Variants in OR5H14 observed in about 807,000 individuals in gnomAD.
The protein encoded by OR5H14 is olfactory receptor family 5 subfamily H member 14.
For missense variants in OR5H14, 392 were observed against 363.9 expected (o/e 1.08, Z -0.63); for synonymous variants, 155 against 130.6 (o/e 1.19, Z -1.28).
In OR5H14 at chr3:98,151,161, A is replaced by G. The variant is rs1456416008; in HGVS notation, c.*843A>G. ...TAATCTTCCCAGAAAAAAAGATGAA[A>G]CTACTAAGATTTTAAAAACCAGTGA... is the stretch of plus-strand genomic sequence containing the variant. On this transcript the variant is annotated 3_prime_UTR_variant, in exon 2 of 2. Transcript: ENST00000641380. 1 of 152,086 alleles carries G rather than the reference A, an allele frequency of 6.6e-6. No homozygotes were observed. Among genetic ancestry groups the G allele is most frequent in the Non-Finnish European group, 1.5e-5 (1 of 67,998 alleles). 9.4% of individuals were successfully genotyped at this position (152,086 alleles called of 1,614,324 possible). A position where few individuals can be genotyped will look rare whatever the true frequency, so the allele number is the denominator to read the frequency against.
At position 98,150,116 on chromosome 3, in the gene OR5H14, A is replaced by G; in HGVS notation, c.731A>G (p.His244Arg). The G allele has an allele frequency of 1.2e-6, 2 of 1,610,174 alleles. No individual in the cohort carries two copies. The highest frequency in any genetic ancestry group is 1.7e-6 in the Non-Finnish European group (2 of 1,178,962). ...MRKAFSTCGA[H>R]LLSVSLYYGP... Reference sequence around the variant, plus strand: ...AAAGCCTTCTCCACCTGTGGAGCTCATCTCTTATCTGTATCTTTATACTAT... The same window carrying G: ...AAAGCCTTCTCCACCTGTGGAGCTCGTCTCTTATCTGTATCTTTATACTAT... Residue 244 changes from histidine (H) to arginine (R), a missense_variant, in exon 2 of 2, where the codon CAT becomes CGT. His to Arg is a conservative substitution (Grantham distance 29). Transcript: ENST00000641380.
intron 1 of OR5H14, among the ~76,000 whole-genome samples, chr3:98,148,400 T>G (rs956751330): frequency 6.6e-6 from 1 of 152,068 alleles, no homozygotes; most frequent in Non-Finnish European, 1.5e-5. Context: ...TGCCTTTGAC[T>G]ATCACAATAA....
chr3:98,155,727 A>G lies in OR5H14; in HGVS notation c.*5409A>G, dbSNP rs1708581578. ...GGGAATCTAGATCTTTGGCCTTATTAAAATCATATTTTGACCAGCTCTGAT... is the reference window on the plus strand; with the variant it reads ...GGGAATCTAGATCTTTGGCCTTATTGAAATCATATTTTGACCAGCTCTGAT... On this transcript the variant is annotated 3_prime_UTR_variant, in exon 2 of 2. Transcript: ENST00000641380. 1.3e-5 allele frequency: 2 copies of G among 152,192 alleles called. No homozygotes were observed. The highest frequency in any genetic ancestry group is 4.8e-5 in the African/African-American group (2 of 41,468). 9.4% of individuals were successfully genotyped at this position (152,192 alleles called of 1,614,324 possible). A position where few individuals can be genotyped will look rare whatever the true frequency, so the allele number is the denominator to read the frequency against.
chr3:98,155,306 A>G lies in OR5H14; in HGVS notation c.*4988A>G, dbSNP rs943752336. On this transcript the variant is annotated 3_prime_UTR_variant, in exon 2 of 2. Coordinates refer to ENST00000641380, the MANE Select transcript of OR5H14 (RefSeq NM_001005514.2). ...TTGAATCTCCCATTTAGCCAATTCT[A>G]TATGGATTAAACTCTCTATTGTAAT... is the stretch of plus-strand genomic sequence containing the variant. 4 of 152,206 alleles carry G rather than the reference A, an allele frequency of 2.6e-5. No homozygotes were observed. The highest frequency in any genetic ancestry group is 5.9e-5 in the Non-Finnish European group (4 of 68,032). 9.4% of individuals were successfully genotyped at this position (152,206 alleles called of 1,614,324 possible).
At chr3:98,148,674 A>C (rs143918042) in intron 1 of OR5H14, among the ~76,000 whole-genome samples, 2 of 152,128 alleles carry the variant, frequency 1.3e-5, no homozygotes, top group East Asian at 3.9e-4. Flanking sequence ...CATCTCTTCC[A>C]ATGTAATATC....
Position 98,150,086 on chromosome 3 carries a change from T to A in OR5H14, c.701T>A (p.Met234Lys). 6.2e-7 allele frequency: 1 copy of A among 1,610,492 alleles called. No homozygotes were observed. Among genetic ancestry groups the A allele is most frequent in the Non-Finnish European group, 8.5e-7 (1 of 1,178,712 alleles). Residue 234 changes from methionine to lysine, a missense_variant, in exon 2 of 2, where the codon ATG becomes AAG. Physicochemically the swap from Met to Lys is moderately conservative, Grantham distance 95. Coordinates refer to ENST00000641380, the MANE Select transcript of OR5H14 (RefSeq NM_001005514.2). ...TTGAAAAAGAAGTCTGTCAAAGGTA[T>A]GAGAAAAGCCTTCTCCACCTGTGGA... Reference protein sequence around the residue: ...TILKKKSVKGMRKAFSTCGAH... With the variant: ...TILKKKSVKGKRKAFSTCGAH...
At position 98,149,008 on chromosome 3, in the gene OR5H14, A is replaced by G. The variant is rs115097989; in HGVS notation, c.-18-360A>G. 9.3e-3 allele frequency among the ~76,000 whole-genome samples: 1,415 copies of G among 152,174 alleles called. 21 individuals are homozygous for G. Among genetic ancestry groups the G allele is most frequent in the African/African-American group, 0.033 (1,359 of 41,536 alleles). The stretch of plus-strand genomic sequence containing the variant: ...TTGGTGCATTCTTATATTACGAAAT[A>G]TAAAGTTTAAGATTCTTCACGTGGC... On this transcript the variant is annotated intron_variant, in intron 1 of 1. Coordinates refer to ENST00000641380, the MANE Select transcript of OR5H14 (RefSeq NM_001005514.2).
At position 98,152,216 on chromosome 3, in the gene OR5H14, TC is replaced by T; in HGVS notation, c.*1899del. 6.6e-6 allele frequency: 1 copy of T among 152,148 alleles called. No homozygotes were observed. Among genetic ancestry groups the T allele is most frequent in the Non-Finnish European group, 1.5e-5 (1 of 68,038 alleles). The allele number at this position is 152,148 out of a possible 1,614,324, so 9.4% of individuals were successfully genotyped here. A position where few individuals can be genotyped will look rare whatever the true frequency, so the allele number is the denominator to read the frequency against. On this transcript the variant is annotated 3_prime_UTR_variant, in exon 2 of 2. Coordinates refer to ENST00000641380, the MANE Select transcript of OR5H14 (RefSeq NM_001005514.2). ...TCCTGTTGGTGGGAGTGTAATTAGT[TC>T]AACCTTTGTGGAAGACAGTGCGGTG... is the stretch of plus-strand genomic sequence containing the variant.
In OR5H14 at chr3:98,153,550, AC is replaced by A. The variant is rs776648460; in HGVS notation, c.*3234del. On this transcript the variant is annotated 3_prime_UTR_variant, in exon 2 of 2. Transcript: ENST00000641380. Reference sequence around the variant, plus strand: ...GTGAGCCGAGAAGGCACCACTGTACACCAGCCTAGGGAACAGAGTGAGACAC... The same window carrying A: ...GTGAGCCGAGAAGGCACCACTGTACACAGCCTAGGGAACAGAGTGAGACAC... 1 of 152,232 alleles carries A rather than the reference AC, an allele frequency of 6.6e-6. No homozygotes were observed. 9.4% of individuals were successfully genotyped at this position (152,232 alleles called of 1,614,324 possible).
At position 98,153,821 on chromosome 3, in the gene OR5H14, T is replaced by C. The variant is rs2107320323; in HGVS notation, c.*3503T>C. 1 of 152,262 alleles carries C rather than the reference T, an allele frequency of 6.6e-6. No individual in the cohort carries two copies. Among genetic ancestry groups the C allele is most frequent in the Non-Finnish European group, 1.5e-5 (1 of 68,020 alleles). 9.4% of individuals were successfully genotyped at this position (152,262 alleles called of 1,614,324 possible). A position where few individuals can be genotyped will look rare whatever the true frequency, so the allele number is the denominator to read the frequency against. ...AGCTCAGTTGCATGTATGAAGATTGTCCTCTGAAGTTTATATCAAGTTGTC... is the reference window on the plus strand; with the variant it reads ...AGCTCAGTTGCATGTATGAAGATTGCCCTCTGAAGTTTATATCAAGTTGTC... On this transcript the variant is annotated 3_prime_UTR_variant, in exon 2 of 2. Transcript: ENST00000641380.
Position 98,150,061 on chromosome 3 carries a change from T to C in OR5H14, c.676T>C (p.Leu226=), listed in dbSNP as rs1235692317. Reference sequence around the variant, plus strand: ...TTACATATTTGTCCTCTATACAATCTTGAAAAAGAAGTCTGTCAAAGGTAT... The same window carrying C: ...TTACATATTTGTCCTCTATACAATCCTGAAAAAGAAGTCTGTCAAAGGTAT... The part of the protein sequence containing the change: ...ISYIFVLYTI[L]KKKSVKGMRK... Residue 226 remains leucine, a synonymous_variant, in exon 2 of 2, where the codon TTG becomes CTG. Coordinates refer to ENST00000641380, the MANE Select transcript of OR5H14 (RefSeq NM_001005514.2). 1.9e-6 allele frequency: 3 copies of C among 1,611,258 alleles called. No individual in the cohort carries two copies. The African/African-American group carries it at 4.0e-5, about 22-fold the overall frequency.
In OR5H14 at chr3:98,150,100, T is replaced by G; in HGVS notation, c.715T>G (p.Ser239Ala). The G allele has an allele frequency of 6.2e-7, 1 of 1,610,426 alleles. No homozygotes were observed. The highest frequency in any genetic ancestry group is 8.5e-7 in the Non-Finnish European group (1 of 1,178,916). Reference protein sequence around the residue: ...KSVKGMRKAFSTCGAHLLSVS... With the variant: ...KSVKGMRKAFATCGAHLLSVS... ...TGTCAAAGGTATGAGAAAAGCCTTC[T>G]CCACCTGTGGAGCTCATCTCTTATC... is the stretch of plus-strand genomic sequence containing the variant. Residue 239 changes from serine (S) to alanine (A), a missense_variant, in exon 2 of 2, where the codon TCC becomes GCC. Ser to Ala is a moderately conservative substitution (Grantham distance 99). Transcript: ENST00000641380.
chr3:98,149,661 A>C lies in OR5H14; in HGVS notation c.276A>C (p.Ile92=), dbSNP rs1310865557. 3 of 1,613,560 alleles carry C rather than the reference A, an allele frequency of 1.9e-6. No individual in the cohort carries two copies. The East Asian group carries it at 6.7e-5, about 36-fold the overall frequency. The change falls in exon 2 of 2, where the codon ATA becomes ATC. Residue 92 remains isoleucine (I), a synonymous_variant. Coordinates refer to ENST00000641380, the MANE Select transcript of OR5H14 (RefSeq NM_001005514.2). ...LINFLAKSKM[I]SLSECKIQLF... Reference sequence around the variant, plus strand: ...ACTTCTTAGCTAAGAGTAAGATGATATCTCTCTCTGAATGCAAGATACAGT... The same window carrying C: ...ACTTCTTAGCTAAGAGTAAGATGATCTCTCTCTCTGAATGCAAGATACAGT...
chr3:98,149,759 C>G lies in OR5H14; in HGVS notation c.374C>G (p.Ala125Gly), dbSNP rs1433138324. The change falls in exon 2 of 2, where the codon GCC becomes GGC. Residue 125 changes from alanine to glycine, a missense_variant. Physicochemically the swap from Ala to Gly is moderately conservative, Grantham distance 60. Coordinates refer to ENST00000641380, the MANE Select transcript of OR5H14 (RefSeq NM_001005514.2). Reference sequence around the variant, plus strand: ...ACAATGGCATATGATCGCTATGTAGCCATATGCAAACCCTTACTTTATCCA... The same window carrying G: ...ACAATGGCATATGATCGCTATGTAGGCATATGCAAACCCTTACTTTATCCA... ...LATMAYDRYVAICKPLLYPAI... is the reference protein window; with the variant it reads ...LATMAYDRYVGICKPLLYPAI... The G allele has an allele frequency of 6.2e-7, 1 of 1,612,818 alleles. No individual in the cohort carries two copies. The highest frequency in any genetic ancestry group is 1.7e-5 in the Admixed American group (1 of 59,946).
chr3:98,147,707 GTT>G (rs1018532557), intron 1 of OR5H14, among the ~76,000 whole-genome samples, 153 bp downstream of exon 1: 1 of 152,010 alleles, frequency 6.6e-6, no homozygotes, highest in Non-Finnish European at 1.5e-5. Flanking sequence ...TTAGATTTCA[GTT>G]TTATGACTAT....
chr3:98,149,227 C>G (rs1708462736), intron 1 of OR5H14, 141 bp from the exon 2 acceptor site: 6 of 920,484 alleles, frequency 6.5e-6, no homozygotes, highest in African/African-American at 3.5e-5. Flanking sequence ...TCTTTAACCC[C>G]TTATAGGATT....
chr3:98,149,250 T>C, intron 1 of OR5H14, 118 bp from the exon 2 acceptor site: 1 of 1,075,414 alleles, frequency 9.3e-7, no homozygotes, highest in South Asian at 1.6e-5. Context: ...TTATTTATAA[T>C]AATGATCAAA....
In OR5H14 at chr3:98,149,771, C is replaced by T. The variant is rs779966322; in HGVS notation, c.386C>T (p.Pro129Leu). The T allele has an allele frequency of 1.2e-6, 2 of 1,612,642 alleles. No homozygotes were observed. The highest frequency in any genetic ancestry group is 1.7e-6 in the Non-Finnish European group (2 of 1,179,648). ...GATCGCTATGTAGCCATATGCAAAC[C>T]CTTACTTTATCCAGCCATTATGACC... The part of the protein sequence containing the change: ...AYDRYVAICK[P>L]LLYPAIMTNG... Residue 129 changes from proline to leucine, a missense_variant, in exon 2 of 2, where the codon CCC becomes CTC. Pro to Leu is a moderately conservative substitution (Grantham distance 98). Transcript: ENST00000641380.
rs1189877500 is a variant in OR5H14, at chr3:98,154,109, C to G, written c.*3791C>G. On this transcript the variant is annotated 3_prime_UTR_variant, in exon 2 of 2. Coordinates refer to ENST00000641380, the MANE Select transcript of OR5H14 (RefSeq NM_001005514.2). ...ATGCCTGAACTCAACATGAATTGAC[C>G]AGAATGTTTTACAAATCATACTTTT... 1 of 152,036 alleles carries G rather than the reference C, an allele frequency of 6.6e-6. No homozygotes were observed. Among genetic ancestry groups the G allele is most frequent in the African/African-American group, 2.4e-5 (1 of 41,392 alleles). 9.4% of individuals were successfully genotyped at this position (152,036 alleles called of 1,614,324 possible).
Sources: gnomAD v4.1 joint callset for allele counts (sites outside exome capture counted in the v4.1 genomes callset) on GRCh38, gnomAD v4.1.1 for gene constraint, MANE v1.5 for transcripts, NCBI Gene and HGNC (gene_info 2026-07-23, HGNC 2026-07-21) for gene names.